Variants in VSTM1 observed in about 807,000 individuals in gnomAD.
The protein encoded by VSTM1 is V-set and transmembrane domain-containing protein 1.
A neutral mutation model predicts 33.1 loss-of-function variants in VSTM1; 27 were observed. That is an observed-to-expected ratio of 0.82 (90% CI 0.60 to 1.12). The LOEUF (loss-of-function observed/expected upper bound fraction) is 1.12. Among genes scored for constraint, VSTM1 ranks in the 50% most tolerant of loss-of-function variants. VSTM1 has a pLI of 0.00. For missense variants in VSTM1, 304 were observed against 288.9 expected, an observed-to-expected ratio of 1.05 and a Z score of -0.38; for synonymous variants, 115 against 110.3, an observed-to-expected ratio of 1.04 and a Z score of -0.27.
At chr19:54,060,258 C>T (rs1259038643) in intron 1 of VSTM1, among the ~76,000 whole-genome samples, 1 of 152,164 alleles carries the variant, frequency 6.6e-6, no homozygotes, top group Non-Finnish European at 1.5e-5. Flanking sequence ...TTTCCACTTA[C>T]ATTATCCCCT....
Position 54,046,164 on chromosome 19 carries a change from T to C in VSTM1, c.395-3795A>G, listed in dbSNP as rs939737385. ...ATGTATCTATCTAATCTATCATATC[T>C]AGTTATCTATTTATCTGCCTACTTG... On this transcript the variant is annotated intron_variant, in intron 4 of 8. Coordinates refer to ENST00000338372, the MANE Select transcript of VSTM1 (RefSeq NM_198481.4). 1.7e-4 allele frequency among the ~76,000 whole-genome samples: 26 copies of C among 152,222 alleles called. 1 individual carries two copies. Among genetic ancestry groups the C allele is most frequent in the Non-Finnish European group, 1.5e-5 (1 of 68,044 alleles).
chr19:54,043,918 G>T (rs574915144), intron 4 of VSTM1, among the ~76,000 whole-genome samples: 2 of 151,878 alleles, frequency 1.3e-5, no homozygotes, highest in Non-Finnish European at 2.9e-5. Context: ...ACAGATGGGA[G>T]CTCAGGATGC....
chr19:54,046,082 ATCTG>A (rs1205768760), intron 4 of VSTM1, among the ~76,000 whole-genome samples: 5 of 152,018 alleles, frequency 3.3e-5, no homozygotes, highest in Non-Finnish European at 7.4e-5. Flanking sequence ...CTTACCTATC[ATCTG>A]TCTATCTATC....
intron 8 of VSTM1, among the ~76,000 whole-genome samples, chr19:54,041,547 C>T (rs1349167836): frequency 3.9e-5 from 6 of 152,058 alleles, no homozygotes; most frequent in South Asian, 2.1e-4. Flanking sequence ...ATGATCCGCC[C>T]GCCTCGGCCT....
intron 8 of VSTM1, 67 bp downstream of exon 8, chr19:54,041,712 G>C: frequency 6.6e-7 from 1 of 1,523,942 alleles, no homozygotes; most frequent in Non-Finnish European, 9.0e-7. Context: ...GCTTAACCAG[G>C]AGGCACACAC....
intron 1 of VSTM1, among the ~76,000 whole-genome samples, chr19:54,061,857 A>G (rs2146160459): frequency 6.6e-6 from 1 of 151,934 alleles, no homozygotes; most frequent in Non-Finnish European, 1.5e-5. Flanking sequence ...GGAGTGATGC[A>G]TCTACAAGTT....
At chr19:54,042,492 C>G in intron 4 of VSTM1, 123 bp from the exon 5 acceptor site, 3 of 1,391,430 alleles carry the variant, frequency 2.2e-6, no homozygotes, top group Non-Finnish European at 2.9e-6. Context: ...TCTCCCACCT[C>G]GGAGCTGGAA....
rs543471091 is a variant in VSTM1, at chr19:54,048,786, A to G, written c.394+2624T>C. Among the ~76,000 whole-genome samples the G allele has an allele frequency of 4.6e-5, 7 of 152,300 alleles. No homozygotes were observed. The South Asian group carries it at 1.4e-3, about 32-fold the overall frequency. On this transcript the variant is annotated intron_variant, in intron 4 of 8. Transcript: ENST00000338372. ...AGAGGTGCAGACAACACAAATGTCC[A>G]TCAAAAGAAGAACGGGGCCAGGCAC...
chr19:54,051,518 G>C, intron 3 of VSTM1, 70 bp from the exon 4 acceptor site: 1 of 1,263,974 alleles, frequency 7.9e-7, no homozygotes, highest in Non-Finnish European at 1.1e-6. Flanking sequence ...GAGTCCTCAC[G>C]TCCTACTTAT....
intron 3 of VSTM1, 138 bp downstream of exon 3, chr19:54,058,168 A>T (rs1489426386): frequency 2.2e-6 from 2 of 906,958 alleles, no homozygotes; most frequent in Non-Finnish European, 3.3e-6. Flanking sequence ...TGAACCCAGG[A>T]GGCAGAAGTT....
intron 4 of VSTM1, among the ~76,000 whole-genome samples, chr19:54,045,540 A>G (rs1206796334): frequency 2.6e-5 from 4 of 152,032 alleles, no homozygotes; most frequent in African/African-American, 9.7e-5. Flanking sequence ...TCACTTATCT[A>G]TCTACCGACT....
rs1312882720 is a variant in VSTM1 at position 54,057,257 on chromosome 19, G to A, written c.355+1049C>T. On this transcript the variant is annotated intron_variant, in intron 3 of 8. Transcript: ENST00000338372. ...CATCAGGCAGGCTTTGGTGACTCAC[G>A]CCTGTAATCCCAGCACTTTGGGAGG... Among the ~76,000 whole-genome samples the A allele has an allele frequency of 2.1e-5, 3 of 140,788 alleles. 1 individual carries two copies. The highest frequency in any genetic ancestry group is 1.5e-4 in the Admixed American group (2 of 13,722). 92.4% of individuals were successfully genotyped at this position (140,788 alleles called of 152,430 possible).
chr19:54,058,777 T>C (rs562769623), intron 1 of VSTM1, 45 bp from the exon 2 acceptor site: 1 of 1,594,682 alleles, frequency 6.3e-7, no homozygotes, highest in South Asian at 1.1e-5. Context: ...TGCTTGTCCT[T>C]GAGTACAAAT....
At position 54,040,919 on chromosome 19, in the gene VSTM1, A is replaced by G; in HGVS notation, c.*42T>C. 6.3e-7 allele frequency: 1 copy of G among 1,598,472 alleles called. No individual in the cohort carries two copies. Among genetic ancestry groups the G allele is most frequent in the Non-Finnish European group, 8.5e-7 (1 of 1,173,350 alleles). ...CTCCAGATTTCCGATAACCTTGGCC[A>G]GCACGATCCCCCCTCCTTTAGTGGC... On this transcript the variant is annotated 3_prime_UTR_variant, in exon 9 of 9. Transcript: ENST00000338372.
chr19:54,060,971 G>A (rs1018913149), intron 1 of VSTM1, among the ~76,000 whole-genome samples: 28 of 150,336 alleles, frequency 1.9e-4, no homozygotes, highest in Admixed American at 8.0e-4. Context: ...GATTACAGGT[G>A]TGAGCTACCT....
rs1342417724 is a variant in VSTM1 at position 54,040,914 on chromosome 19, T to C, written c.*47A>G. Reference sequence around the variant, plus strand: ...TGCATCTCCAGATTTCCGATAACCTTGGCCAGCACGATCCCCCCTCCTTTA... The same window carrying C: ...TGCATCTCCAGATTTCCGATAACCTCGGCCAGCACGATCCCCCCTCCTTTA... On this transcript the variant is annotated 3_prime_UTR_variant, in exon 9 of 9. Coordinates refer to ENST00000338372, the MANE Select transcript of VSTM1 (RefSeq NM_198481.4). The C allele has an allele frequency of 1.9e-6, 3 of 1,593,802 alleles. No homozygotes were observed. The highest frequency in any genetic ancestry group is 1.7e-4 in the Middle Eastern group (1 of 5,866).
chr19:54,040,988 A>G lies in VSTM1; in HGVS notation c.684T>C (p.Ser228=), dbSNP rs1461258160. Residue 228 remains serine, a synonymous_variant, in exon 9 of 9, where the codon TCT becomes TCC. Transcript: ENST00000338372. ...ACACTTTCAGTGCCGCATATTCATG[A>G]GATCCTGGGGGCTCCTGGGTGGTGT... ...ASDTTQEPPG[S]HEYAALKV The G allele has an allele frequency of 1.4e-5, 22 of 1,610,594 alleles. No individual in the cohort carries two copies. Among genetic ancestry groups the G allele is most frequent in the Non-Finnish European group, 1.7e-5 (20 of 1,178,780 alleles).
rs1450568463 is a variant in VSTM1, at chr19:54,058,349, A to G, written c.312T>C (p.His104=). 6.2e-7 allele frequency: 1 copy of G among 1,614,058 alleles called. No individual in the cohort carries two copies. The highest frequency in any genetic ancestry group is 1.7e-5 in the Admixed American group (1 of 59,994). ...YFCAYKTTAS[H]EWSESSEHLQ... is the part of the protein sequence containing the mutation. ...AGTGTTCACTGCTTTCTGACCACTCATGGGAGGCTGTTGTCTTGTAGGCAC... is the reference window on the plus strand; with the variant it reads ...AGTGTTCACTGCTTTCTGACCACTCGTGGGAGGCTGTTGTCTTGTAGGCAC... The change falls in exon 3 of 9, where the codon CAT becomes CAC. Residue 104 remains histidine (H), a synonymous_variant. Transcript: ENST00000338372.
chr19:54,063,290 A>G (rs1449542494), intron 1 of VSTM1, among the ~76,000 whole-genome samples: 1 of 152,140 alleles, frequency 6.6e-6, no homozygotes, highest in African/African-American at 2.4e-5. Flanking sequence ...GTGAGCCCAG[A>G]TCACGCCATT....
Sources: gnomAD v4.1 joint callset for allele counts (sites outside exome capture counted in the v4.1 genomes callset) on GRCh38, gnomAD v4.1.1 for gene constraint, MANE v1.5 for transcripts, NCBI Gene and HGNC (gene_info 2026-07-23, HGNC 2026-07-21) for gene names.